Variants in FAT3 observed in about 807,000 individuals in gnomAD.
The protein encoded by FAT3 is protocadherin Fat 3.
A neutral mutation model predicts 310.2 loss-of-function variants in FAT3; 95 were observed. The ratio of observed to expected loss-of-function variants is 0.31; its 90% CI spans 0.26 to 0.36. FAT3 has a LOEUF of 0.36. Ranked by LOEUF, FAT3 falls within the 10% of genes least tolerant of loss-of-function variation. The probability of loss-of-function intolerance (pLI) is 1.00; values close to 1 mark genes in which losing one functional copy is unlikely to be tolerated. For synonymous variants in FAT3, 2,314 were observed against 2,192.9 expected, an observed-to-expected ratio of 1.06 and a Z score of -1.54; for missense variants, 5,408 against 5,715.6, an observed-to-expected ratio of 0.95 and a Z score of 1.74.
intron 2 of FAT3, among the ~76,000 whole-genome samples, chr11:92,472,395 T>G (rs1482787154): frequency 2.0e-5 from 3 of 152,164 alleles, no homozygotes; most frequent in African/African-American, 7.2e-5. Context: ...CATCATAGGT[T>G]TGACCTGGTG....
At chr11:92,335,315 A>C (rs1187934897) in intron 1 of FAT3, among the ~76,000 whole-genome samples, 1 of 151,956 alleles carries the variant, frequency 6.6e-6, no homozygotes, top group African/African-American at 2.4e-5. Context: ...TGAAGGTTTC[A>C]CTCTTTGACT....
intron 10 of FAT3, among the ~76,000 whole-genome samples, chr11:92,803,043 A>T (rs1026736907): frequency 6.6e-6 from 1 of 152,208 alleles, no homozygotes; most frequent in Non-Finnish European, 1.5e-5. Context: ...TTTGATTAAA[A>T]TATGTATTTC....
intron 6 of FAT3, among the ~76,000 whole-genome samples, chr11:92,772,044 T>C: frequency 6.6e-6 from 1 of 152,294 alleles, no homozygotes; most frequent in East Asian, 1.9e-4. Flanking sequence ...AACTAAAGTT[T>C]TATAATTTGC....
intron 4 of FAT3, among the ~76,000 whole-genome samples, chr11:92,732,536 A>G (rs1792374): frequency 0.31 from 47,367 of 152,074 alleles, 7,657 homozygotes; most frequent in Non-Finnish European, 0.33. Context: ...ACAGCAAGCC[A>G]TCATCTGACA....
intron 22 of FAT3, among the ~76,000 whole-genome samples, chr11:92,878,667 AG>A (rs747563308): frequency 0.026 from 1,629 of 61,710 alleles, 425 homozygotes; most frequent in Admixed American, 0.03. Context: ...AAAAAAAAAA[AG>A]CTCCGCACAA....
At chr11:92,244,181 T>G (rs534633276) in intron 1 of FAT3, among the ~76,000 whole-genome samples, 1 of 152,150 alleles carries the variant, frequency 6.6e-6, no homozygotes, top group Admixed American at 6.6e-5. Flanking sequence ...AAAGGTGAGA[T>G]TTTGAGATTA....
chr11:92,548,309 C>G (rs1164761833), intron 3 of FAT3, among the ~76,000 whole-genome samples: 1 of 152,074 alleles, frequency 6.6e-6, no homozygotes, highest in Non-Finnish European at 1.5e-5. Flanking sequence ...CTCTTGAGAC[C>G]TTTGAACAGT....
intron 1 of FAT3, 25 bp from the exon 2 acceptor site, chr11:92,352,071 T>TTC: frequency 8.1e-7 from 1 of 1,236,902 alleles, no homozygotes; most frequent in Non-Finnish European, 1.0e-6. Flanking sequence ...AATTTATCTT[T>TTC]TCTCTCTCTC....
chr11:92,693,474 CTG>C (rs1405895072), intron 3 of FAT3, among the ~76,000 whole-genome samples: 1 of 152,128 alleles, frequency 6.6e-6, no homozygotes, highest in Non-Finnish European at 1.5e-5. Flanking sequence ...TCTCTATTCT[CTG>C]TATTTTTTCT....
At chr11:92,648,288 A>AT (rs1175500223) in intron 3 of FAT3, among the ~76,000 whole-genome samples, 9 of 152,330 alleles carry the variant, frequency 5.9e-5, no homozygotes, top group African/African-American at 2.2e-4. Context: ...AAGAAAAACT[A>AT]TAGTCATTGA....
intron 1 of FAT3, among the ~76,000 whole-genome samples, chr11:92,306,602 A>G (rs1403036075): frequency 8.0e-6 from 1 of 124,712 alleles, no homozygotes; most frequent in Non-Finnish European, 1.6e-5. Context: ...TATATATTAT[A>G]TATTTATATT....
intron 2 of FAT3, among the ~76,000 whole-genome samples, chr11:92,386,331 A>G (rs148316873): frequency 1.5e-3 from 232 of 152,310 alleles, no homozygotes; most frequent in African/African-American, 5.1e-3. Flanking sequence ...TGCTGATAAA[A>G]TATGGACACC....
intron 1 of FAT3, among the ~76,000 whole-genome samples, chr11:92,273,097 C>T (rs1946172127): frequency 6.6e-6 from 1 of 152,102 alleles, no homozygotes; most frequent in Admixed American, 6.6e-5. Context: ...CTCTATTTTA[C>T]TTAAATGAAT....
At chr11:92,554,819 A>G (rs1954959817) in intron 3 of FAT3, among the ~76,000 whole-genome samples, 1 of 152,188 alleles carries the variant, frequency 6.6e-6, no homozygotes, top group African/African-American at 2.4e-5. Flanking sequence ...TTTGATGGCC[A>G]TGTGCACTGC....
chr11:92,464,034 G>T (rs555700933), intron 2 of FAT3, among the ~76,000 whole-genome samples: 53 of 152,310 alleles, frequency 3.5e-4, no homozygotes, highest in South Asian at 6.2e-4. Context: ...GGTCTCACGA[G>T]TGTGTGCCAG....
At chr11:92,549,930 T>G (rs187779218) in intron 3 of FAT3, among the ~76,000 whole-genome samples, 3 of 152,242 alleles carry the variant, frequency 2.0e-5, no homozygotes, top group Admixed American at 1.3e-4. Flanking sequence ...GAGGAGGGCA[T>G]TATGATTAGC....
intron 3 of FAT3, among the ~76,000 whole-genome samples, chr11:92,543,846 G>A (rs1954528582): frequency 1.3e-5 from 2 of 152,174 alleles, no homozygotes; most frequent in African/African-American, 4.8e-5. Context: ...TTAGGCCCTG[G>A]AAGCACAAAA....
At chr11:92,381,744 A>G (rs1949499212) in intron 2 of FAT3, among the ~76,000 whole-genome samples, 1 of 152,208 alleles carries the variant, frequency 6.6e-6, no homozygotes, top group Non-Finnish European at 1.5e-5. Flanking sequence ...GGTGAATTAT[A>G]TTAACAGTCC....
intron 13 of FAT3, among the ~76,000 whole-genome samples, chr11:92,815,927 G>A (rs1947814506): frequency 6.6e-6 from 1 of 152,190 alleles, no homozygotes; most frequent in African/African-American, 2.4e-5. Context: ...AAGATTCCAA[G>A]AAAACAATGA....
Sources: allele counts gnomAD v4.1 joint callset (sites outside exome capture counted in the v4.1 genomes callset), GRCh38; gene constraint gnomAD v4.1.1; transcripts MANE v1.5; gene names NCBI Gene and HGNC (gene_info 2026-07-23, HGNC 2026-07-21).